LAMA4: variants seen among roughly 807,000 people sequenced by gnomAD.
LAMA4 encodes the protein laminin subunit alpha-4.
Under a neutral mutation model 207.1 loss-of-function variants are expected in LAMA4, and 127 were observed. The observed-to-expected ratio is 0.61, with a 90% CI of 0.53 to 0.71. The LOEUF is 0.71. Among genes scored for constraint, LAMA4 ranks in the 30% least tolerant of loss-of-function variants. The pLI, the probability that LAMA4 is intolerant of heterozygous loss-of-function variation, is 0.00. For missense variants in LAMA4, 2,093 were observed against 2,246.5 expected (o/e 0.93, Z 1.38); for synonymous variants, 761 against 816.0 (o/e 0.93, Z 1.15).
chr6:112,179,367 C>G (rs181560335), intron 9 of LAMA4: 1 of 152,146 alleles, frequency 6.6e-6, no homozygotes, highest in Non-Finnish European at 1.5e-5. Flanking sequence ...ACAGCATGGG[C>G]GACATGTACT....
Position 112,134,533 on chromosome 6 carries a change from T to C in LAMA4, c.3491A>G (p.Glu1164Gly), listed in dbSNP as rs1554330870. 1 of 1,612,468 alleles carries C rather than the reference T, an allele frequency of 6.2e-7. No homozygotes were observed. The highest frequency in any genetic ancestry group is 1.1e-5 in the South Asian group (1 of 91,064). ...ATCTGTAAAAGGTATTTTCATCTTT[T>C]CATTATCCATGCTCTTGACATGCCT... ...DRRHVKSMDN[E>G]KMKIPFTDIY... The change falls in exon 26 of 39, where the codon GAA becomes GGA. Residue 1164 changes from glutamate to glycine, a missense_variant. By Grantham distance (98) the Glu-to-Gly change is moderately conservative. Around this residue, in one of 3 missense-constraint regions of LAMA4, gnomAD observed 1,704 missense variants for 1,788.4 expected, o/e 0.95. Transcript: ENST00000230538.
chr6:112,193,691 C>T (rs187030150), intron 5 of LAMA4, among the ~76,000 whole-genome samples: 1 of 152,246 alleles, frequency 6.6e-6, no homozygotes, highest in Admixed American at 6.5e-5. Context: ...GGAGGCCACA[C>T]AGGCCTGGCA....
intron 5 of LAMA4, among the ~76,000 whole-genome samples, chr6:112,194,527 A>AT (rs1486483180): frequency 6.6e-6 from 1 of 152,172 alleles, no homozygotes; most frequent in Non-Finnish European, 1.5e-5. Context: ...GACCCTATGG[A>AT]TTTAACAAAA....
At chr6:112,140,961 T>G in intron 21 of LAMA4, 39 bp from the exon 22 acceptor site, 2 of 1,548,898 alleles carry the variant, frequency 1.3e-6, no homozygotes, top group Non-Finnish European at 1.8e-6. Flanking sequence ...ATTATATAAT[T>G]CATAGAAAAT....
In LAMA4 at chr6:112,115,903, A is replaced by G; in HGVS notation, c.5072T>C (p.Val1691Ala). 1.9e-6 allele frequency: 3 copies of G among 1,613,540 alleles called. No homozygotes were observed. The highest frequency in any genetic ancestry group is 2.5e-6 in the Non-Finnish European group (3 of 1,179,598). Residue 1691 changes from valine (V) to alanine (A), a missense_variant, in exon 36 of 39, where the codon GTC (valine) becomes GCC (alanine). Physicochemically the swap from Val to Ala is moderately conservative, Grantham distance 64 (BLOSUM62 0). Coordinates refer to ENST00000230538, the MANE Select transcript of LAMA4 (RefSeq NM_001105206.3). ...GTGAACATTTAGGTACTCCCCATTG[A>G]CACTGTGGCCGTGGACCAGGGTTCC... is the stretch of plus-strand genomic sequence containing the variant. ...SSGTLVHGHS[V>A]NGEYLNVHMK...
At chr6:112,121,918 A>G (rs1778384222) in intron 32 of LAMA4, 96 bp downstream of exon 32, 3 of 1,070,512 alleles carry the variant, frequency 2.8e-6, no homozygotes, top group African/African-American at 1.6e-5. Flanking sequence ...AAGGTGGCAC[A>G]GAAAGGAAAG....
chr6:112,140,564 T>C (rs1344486113), intron 22 of LAMA4, among the ~76,000 whole-genome samples, 196 bp downstream of exon 22: 6 of 152,124 alleles, frequency 3.9e-5, no homozygotes, highest in African/African-American at 1.2e-4. Context: ...TTGAAAGCAT[T>C]TGACATTATG....
Position 112,109,497 on chromosome 6 carries a change from G to A in LAMA4, c.5412C>T (p.Ser1804=), listed in dbSNP as rs782333012. 1.6e-5 allele frequency: 26 copies of A among 1,613,994 alleles called. No homozygotes were observed. The East Asian group carries it at 5.6e-4, about 35-fold the overall frequency. The change falls in exon 39 of 39, where the codon AGC becomes AGT. Residue 1804 remains serine (S), a synonymous_variant. Transcript: ENST00000230538. ...RHFVIDGHPV[S]FSKAALVSGA... ...CGCTGACCAGGGCTGCTTTACTGAA[G>A]CTCACTGGGTGTCCATCAATCACAA... is the stretch of plus-strand genomic sequence containing the variant.
At chr6:112,159,234 T>C (rs1308214610) in intron 13 of LAMA4, among the ~76,000 whole-genome samples, 2 of 152,242 alleles carry the variant, frequency 1.3e-5, no homozygotes, top group Non-Finnish European at 2.9e-5. Context: ...ATGGAAGTTG[T>C]TTATATATGT....
chr6:112,113,799 G>A (rs1777843379), intron 38 of LAMA4, among the ~76,000 whole-genome samples: 1 of 152,200 alleles, frequency 6.6e-6, no homozygotes, highest in African/African-American at 2.4e-5. Context: ...AAGAGTATGT[G>A]TGTCACTGTG....
In LAMA4 at chr6:112,115,964, C is replaced by T. The variant is rs1562624192; in HGVS notation, c.5011G>A (p.Glu1671Lys). 1 of 1,613,358 alleles carries T rather than the reference C, an allele frequency of 6.2e-7. No homozygotes were observed. The highest frequency in any genetic ancestry group is 2.2e-5 in the East Asian group (1 of 44,842). The change falls in exon 36 of 39, where the codon GAA becomes AAA. Residue 1671 changes from glutamate (E) to lysine (K), a missense_variant. By Grantham distance (56) the Glu-to-Lys change is moderately conservative (BLOSUM62 1). Coordinates refer to ENST00000230538, the MANE Select transcript of LAMA4 (RefSeq NM_001105206.3). ...CTGGGACGGACTTCAAATGCAATTT[C>T]AAACTTCAATCCAATATTGAAAGAT... ...DESFNIGLKFEIAFEVRPRSS... is the reference protein window; with the variant it reads ...DESFNIGLKFKIAFEVRPRSS...
intron 13 of LAMA4, among the ~76,000 whole-genome samples, chr6:112,159,758 G>A (rs1780942126): frequency 6.6e-6 from 1 of 152,206 alleles, no homozygotes; most frequent in African/African-American, 2.4e-5. Flanking sequence ...GGAGCACAGT[G>A]AGTGAAACTC....
At chr6:112,147,696 T>C (rs1440581956) in intron 18 of LAMA4, among the ~76,000 whole-genome samples, 3 of 152,228 alleles carry the variant, frequency 2.0e-5, no homozygotes, top group Non-Finnish European at 2.9e-5. Context: ...GCTGGAGTTA[T>C]GTTTGGCCAT....
Position 112,123,222 on chromosome 6 carries a change from T to A in LAMA4, c.4288-1021A>T, listed in dbSNP as rs887724463. ...AAGGAAGGCCTGATAGAAGAGGAAATGTGTGGCAGCAGGGAGGACAGAGGC... is the reference window on the plus strand; with the variant it reads ...AAGGAAGGCCTGATAGAAGAGGAAAAGTGTGGCAGCAGGGAGGACAGAGGC... On this transcript the variant is annotated intron_variant, in intron 31 of 38. Coordinates refer to ENST00000230538, the MANE Select transcript of LAMA4 (RefSeq NM_001105206.3). Among the ~76,000 whole-genome samples, 6 of 151,838 alleles carry A rather than the reference T, an allele frequency of 4.0e-5. No homozygotes were observed. The East Asian group carries it at 7.7e-4, about 20-fold the overall frequency.
intron 9 of LAMA4, among the ~76,000 whole-genome samples, chr6:112,183,041 G>A (rs1445653384): frequency 2.0e-5 from 3 of 152,200 alleles, no homozygotes; most frequent in Admixed American, 2.0e-4. Context: ...AAAACCCGTA[G>A]CTAGGTGGAT....
In LAMA4 at chr6:112,178,433, T is replaced by A. The variant is rs9487839; in HGVS notation, c.1078-201A>T. On this transcript the variant is annotated intron_variant, in intron 9 of 38. Transcript: ENST00000230538. ...CCAGTTTTACTTTTAAAAAATTTTT[T>A]AATTTTTCCGTAAGTTATTGGGGTA... The A allele has an allele frequency of 9.7e-3, 5,524 of 566,952 alleles. 213 individuals are homozygous for A. Among genetic ancestry groups the A allele is most frequent in the African/African-American group, 0.09 (4,788 of 52,940 alleles). 35.1% of individuals were successfully genotyped at this position (566,952 alleles called of 1,614,324 possible). A position where few individuals can be genotyped will look rare whatever the true frequency, so the allele number is the denominator to read the frequency against.
chr6:112,238,430 C>G (rs1554366855), intron 2 of LAMA4, among the ~76,000 whole-genome samples: 1 of 152,126 alleles, frequency 6.6e-6, no homozygotes, highest in African/African-American at 2.4e-5. Context: ...TAAAAGTTGG[C>G]CAGGCATGGT....
At position 112,117,613 on chromosome 6, in the gene LAMA4, G is replaced by T; in HGVS notation, c.4981+126C>A. 1.1e-6 allele frequency: 1 copy of T among 895,124 alleles called. No individual in the cohort carries two copies. Among genetic ancestry groups the T allele is most frequent in the Non-Finnish European group, 1.8e-6 (1 of 546,904 alleles). 55.4% of individuals were successfully genotyped at this position (895,124 alleles called of 1,614,324 possible). On this transcript the variant is annotated intron_variant, in intron 35 of 38. Transcript: ENST00000230538. This position sits in a 1 kb window ranked among gnomAD's most constrained non-coding sequence, Gnocchi z 4.5. ...GGAGGGAGAAAGGTGGTTCTTGTGGGAAGAGGTCATCTTCTAGGGCTGAGT... is the reference window on the plus strand; with the variant it reads ...GGAGGGAGAAAGGTGGTTCTTGTGGTAAGAGGTCATCTTCTAGGGCTGAGT...
chr6:112,155,581 G>C lies in LAMA4; in HGVS notation c.1943C>G (p.Thr648Ser). The change falls in exon 15 of 39, where the codon ACT becomes AGT. Residue 648 changes from threonine to serine, a missense_variant. Physicochemically the swap from Thr to Ser is moderately conservative, Grantham distance 58. Coordinates refer to ENST00000230538, the MANE Select transcript of LAMA4 (RefSeq NM_001105206.3). ...NETAEFALNTTDRIYDAVSGI... is the reference protein window; with the variant it reads ...NETAEFALNTSDRIYDAVSGI... ...AATACTCACATCATAAATTCGGTCA[G>C]TGGTGTTCAAAGCAAATTCTGCTGT... 1.9e-6 allele frequency: 3 copies of C among 1,614,170 alleles called. No individual in the cohort carries two copies. Among genetic ancestry groups the C allele is most frequent in the Non-Finnish European group, 2.5e-6 (3 of 1,180,008 alleles).
Sources: gnomAD v4.1 joint callset for allele counts (sites outside exome capture counted in the v4.1 genomes callset) on GRCh38, gnomAD v4.1.1 for gene constraint, gnomAD v4.1.1 regional missense constraint, Gnocchi (gnomAD v3.1) non-coding constraint, MANE v1.5 for transcripts, NCBI Gene and HGNC (gene_info 2026-07-23, HGNC 2026-07-21) for gene names.